The following HCN1 variants were observed in gnomAD, a reference collection of about 807,000 sequenced individuals.
HCN1 encodes the protein potassium/sodium hyperpolarization-activated cyclic nucleotide-gated channel 1.
HCN1 carries 13 observed loss-of-function variants against 78.9 expected under a neutral mutation model. The ratio of observed to expected loss-of-function variants is 0.16; its 90% CI spans 0.11 to 0.26. The LOEUF is 0.26. Ranked by LOEUF, HCN1 falls within the 10% of genes least tolerant of loss-of-function variation. The pLI, the probability that HCN1 is intolerant of heterozygous loss-of-function variation, is 1.00. For synonymous variants in HCN1, 552 were observed against 455.5 expected (o/e 1.21, Z -2.70); for missense variants, 810 against 1,154.3 (o/e 0.70, Z 4.32).
At chr5:45,477,104 T>C (rs994307853) in intron 2 of HCN1, among the ~76,000 whole-genome samples, 5 of 152,120 alleles carry the variant, frequency 3.3e-5, no homozygotes, top group Admixed American at 2.0e-4. Flanking sequence ...CAGCACTGTG[T>C]CACTGACAAC....
At chr5:45,624,444 C>A (rs903119816) in intron 2 of HCN1, among the ~76,000 whole-genome samples, 9 of 152,066 alleles carry the variant, frequency 5.9e-5, no homozygotes, top group Non-Finnish European at 1.3e-4. Flanking sequence ...ATAGAATGGA[C>A]TACAATTGAC....
intron 2 of HCN1, among the ~76,000 whole-genome samples, chr5:45,489,694 A>G (rs1255375547): frequency 1.3e-5 from 2 of 152,144 alleles, no homozygotes; most frequent in African/African-American, 4.8e-5. Context: ...TAACGAGTCA[A>G]TCTATGATGA....
intron 2 of HCN1, among the ~76,000 whole-genome samples, chr5:45,479,679 T>C (rs1271045813): frequency 6.6e-6 from 1 of 152,136 alleles, no homozygotes; most frequent in Non-Finnish European, 1.5e-5. Context: ...CAACACTCAA[T>C]ATAGGAAATA....
chr5:45,541,242 T>G (rs367945197), intron 2 of HCN1, among the ~76,000 whole-genome samples: 1 of 152,118 alleles, frequency 6.6e-6, no homozygotes, highest in Non-Finnish European at 1.5e-5. Context: ...CTTAAGTGCT[T>G]TCCTAATTCT....
At chr5:45,371,369 C>T (rs1217802114) in intron 4 of HCN1, among the ~76,000 whole-genome samples, 1 of 151,616 alleles carries the variant, frequency 6.6e-6, no homozygotes, top group African/African-American at 2.4e-5. Context: ...TAACATAAGT[C>T]GATAGACCAC....
At chr5:45,357,832 T>A (rs1747032284) in intron 4 of HCN1, among the ~76,000 whole-genome samples, 1 of 152,080 alleles carries the variant, frequency 6.6e-6, no homozygotes. Context: ...AGTGTTCGGG[T>A]CATAGGGGTG....
At chr5:45,653,964 T>G (rs947116585) in intron 1 of HCN1, among the ~76,000 whole-genome samples, 24 of 152,086 alleles carry the variant, frequency 1.6e-4, no homozygotes, top group African/African-American at 5.6e-4. Context: ...TTCTTTTGGA[T>G]GATTTCAAAA....
intron 2 of HCN1, among the ~76,000 whole-genome samples, chr5:45,566,985 A>T (rs1743720814): frequency 1.3e-5 from 2 of 152,216 alleles, no homozygotes; most frequent in Non-Finnish European, 2.9e-5. Context: ...ATACACAGGC[A>T]TTCCTTCCAG....
At chr5:45,590,884 T>G (rs1157426913) in intron 2 of HCN1, among the ~76,000 whole-genome samples, 1 of 152,174 alleles carries the variant, frequency 6.6e-6, no homozygotes, top group Non-Finnish European at 1.5e-5. Context: ...CAGGCTGGAG[T>G]GCAGTGGCAC....
chr5:45,545,590 G>T (rs868096293), intron 2 of HCN1, among the ~76,000 whole-genome samples: 4 of 151,884 alleles, frequency 2.6e-5, no homozygotes, highest in Non-Finnish European at 5.9e-5. Context: ...GGTCTAACAT[G>T]TAAATCTTTA....
intron 6 of HCN1, among the ~76,000 whole-genome samples, chr5:45,288,911 CAG>C (rs1365981547): frequency 6.6e-6 from 1 of 151,974 alleles, no homozygotes; most frequent in African/African-American, 2.4e-5. Context: ...AAGCTAGAGA[CAG>C]AGTTGAAATG....
intron 3 of HCN1, among the ~76,000 whole-genome samples, chr5:45,416,742 TG>T (rs1257458413): frequency 3.9e-5 from 6 of 151,968 alleles, no homozygotes; most frequent in Non-Finnish European, 7.4e-5. Context: ...TGGATAAGAT[TG>T]TATTCAATAT....
intron 6 of HCN1, among the ~76,000 whole-genome samples, chr5:45,292,514 G>A (rs558118388): frequency 9.5e-4 from 145 of 151,974 alleles, no homozygotes; most frequent in Middle Eastern, 6.8e-3. Context: ...CCCTAATAAA[G>A]TGAGATTAAT....
intron 2 of HCN1, among the ~76,000 whole-genome samples, chr5:45,512,321 A>C (rs1475287829): frequency 6.6e-6 from 1 of 152,126 alleles, no homozygotes; most frequent in African/African-American, 2.4e-5. Flanking sequence ...TGGTTAATGA[A>C]GTCTAAAGTG....
Position 45,261,692 on chromosome 5 carries a change from C to A in HCN1, c.*229G>T. On this transcript the variant is annotated 3_prime_UTR_variant, in exon 8 of 8. Coordinates refer to ENST00000303230, the MANE Select transcript of HCN1 (RefSeq NM_021072.4). The stretch of plus-strand genomic sequence containing the variant: ...CTTTAATGATTTAAAGAAAGGAAGA[C>A]ATATAACACTGAATGCTAAACAGGT... 1 of 410,810 alleles carries A rather than the reference C, an allele frequency of 2.4e-6. No individual in the cohort carries two copies. Among genetic ancestry groups the A allele is most frequent in the Non-Finnish European group, 4.4e-6 (1 of 229,496 alleles). The allele number at this position is 410,810 out of a possible 1,614,324, so 25.4% of individuals were successfully genotyped here. A position where few individuals can be genotyped will look rare whatever the true frequency, so the allele number is the denominator to read the frequency against.
At chr5:45,643,890 C>A (rs1745500229) in intron 2 of HCN1, 1 of 152,070 alleles carries the variant, frequency 6.6e-6, no homozygotes, top group South Asian at 2.1e-4. Context: ...ACATTTATTC[C>A]ATTTTAGATG....
At position 45,296,028 on chromosome 5, in the gene HCN1, T is replaced by C. The variant is rs1745485189; in HGVS notation, c.1618+7571A>G. On this transcript the variant is annotated intron_variant, in intron 6 of 7. Coordinates refer to ENST00000303230, the MANE Select transcript of HCN1 (RefSeq NM_021072.4). ...ACTTATTTTTTCTGTAAACTGCCCA[T>C]AAAAGGCTTGTGCTTCTGGTACCCT... Among the ~76,000 whole-genome samples the C allele has an allele frequency of 1.3e-5, 2 of 152,022 alleles. 1 individual carries two copies. Among genetic ancestry groups the C allele is most frequent in the Admixed American group, 1.3e-4 (2 of 15,228 alleles).
chr5:45,376,070 G>C (rs1166312964), intron 4 of HCN1, among the ~76,000 whole-genome samples: 9 of 105,838 alleles, frequency 8.5e-5, no homozygotes, highest in Non-Finnish European at 1.4e-4. Context: ...AATATAATAT[G>C]TTATAATATA....
intron 3 of HCN1, among the ~76,000 whole-genome samples, chr5:45,401,194 C>T (rs1474617047): frequency 6.6e-6 from 1 of 152,068 alleles, no homozygotes; most frequent in African/African-American, 2.4e-5. Flanking sequence ...AAAGGCAGTA[C>T]CTTTTCCAAT....
Sources: allele counts gnomAD v4.1 joint callset (sites outside exome capture counted in the v4.1 genomes callset), GRCh38; gene constraint gnomAD v4.1.1; transcripts MANE v1.5; gene names NCBI Gene and HGNC (gene_info 2026-07-23, HGNC 2026-07-21).